ULK4: variants seen among roughly 807,000 people sequenced by gnomAD.
The protein encoded by ULK4 is unc-51 like kinase 4.
In ULK4, 133 loss-of-function variants were observed where a neutral mutation model predicts 160.6. That is an observed-to-expected ratio of 0.83 (90% CI 0.72 to 0.96). ULK4 has a LOEUF of 0.96. Ranked by LOEUF, ULK4 falls within the 40% of genes least tolerant of loss-of-function variation. The probability of loss-of-function intolerance (pLI) is 0.00; values close to 1 mark genes in which losing one functional copy is unlikely to be tolerated. For missense variants in ULK4, 1,580 were observed against 1,499.5 expected (o/e 1.05, Z -0.89); for synonymous variants, 534 against 539.8 (o/e 0.99, Z 0.15).
rs34582395 is a variant in ULK4, at chr3:41,746,272, C to CAAAAAAAAAAAAA, written c.2321+8076_2321+8088dup. On this transcript the variant is annotated intron_variant, in intron 22 of 36. Transcript: ENST00000301831. ...TATATAGAAAATCTCCTGGAACCCA[C>CAAAAAAAAAAAAA]AAAAAAAAAAAAAAAAAAAAAAAAC... Among the ~76,000 whole-genome samples, 58 of 45,708 alleles carry CAAAAAAAAAAAAA rather than the reference C, an allele frequency of 1.3e-3. 4 individuals carry two copies. The highest frequency in any genetic ancestry group is 5.3e-3 in the African/African-American group (50 of 9,394). The allele number at this position is 45,708 out of a possible 152,430, so 30.0% of individuals were successfully genotyped here.
At chr3:41,666,985 GA>G (rs958076582) in intron 29 of ULK4, among the ~76,000 whole-genome samples, 2 of 150,562 alleles carry the variant, frequency 1.3e-5, no homozygotes, top group Non-Finnish European at 3.0e-5. Flanking sequence ...TATAAAAAAA[GA>G]AAAAAAAATT....
chr3:41,628,885 TAAA>T (rs1321229561), intron 30 of ULK4, among the ~76,000 whole-genome samples: 3 of 152,214 alleles, frequency 2.0e-5, no homozygotes, highest in Admixed American at 2.0e-4. Context: ...AAAAGTTTTT[TAAA>T]ATGACTTCTG....
chr3:41,919,684 C>T (rs760374201), intron 6 of ULK4, 33 bp downstream of exon 6: 34 of 1,566,318 alleles, frequency 2.2e-5, no homozygotes, highest in Non-Finnish European at 2.5e-5. Flanking sequence ...TTTAGTCCAG[C>T]TCTGATTTTA....
In ULK4 at chr3:41,345,673, T is replaced by G. The variant is rs142293142; in HGVS notation, c.3678+52406A>C. 3.8e-3 allele frequency among the ~76,000 whole-genome samples: 578 copies of G among 152,194 alleles called. 3 individuals carry two copies. The highest frequency in any genetic ancestry group is 0.013 in the African/African-American group (543 of 41,532). On this transcript the variant is annotated intron_variant, in intron 35 of 36. Transcript: ENST00000301831. The stretch of plus-strand genomic sequence containing the variant: ...AGCATCAGGAAGAATAGCTAATAGA[T>G]GCTGGGCTTAATACCTAGGTGACAA...
At chr3:41,694,213 T>C (rs1174040794) in intron 27 of ULK4, among the ~76,000 whole-genome samples, 2 of 152,194 alleles carry the variant, frequency 1.3e-5, no homozygotes, top group Non-Finnish European at 2.9e-5. Flanking sequence ...GATACAAAGA[T>C]AGCAGTGTGA....
At chr3:41,912,187 G>C (rs1241053239) in intron 9 of ULK4, among the ~76,000 whole-genome samples, 1 of 151,970 alleles carries the variant, frequency 6.6e-6, no homozygotes, top group Non-Finnish European at 1.5e-5. Flanking sequence ...AAATAGCTGA[G>C]TGTAGTGGCA....
intron 16 of ULK4, among the ~76,000 whole-genome samples, chr3:41,894,526 A>G (rs1200622734): frequency 6.6e-6 from 1 of 152,176 alleles, no homozygotes; most frequent in East Asian, 1.9e-4. Flanking sequence ...ATCATGAGAT[A>G]AGCAAGCTTG....
At chr3:41,249,112 G>A (rs1247900818) in intron 36 of ULK4, among the ~76,000 whole-genome samples, 1 of 152,182 alleles carries the variant, frequency 6.6e-6, no homozygotes, top group Non-Finnish European at 1.5e-5. Flanking sequence ...CCTCTGGCTG[G>A]GCTGCTGATG....
rs568406782 is a variant in ULK4, at chr3:41,574,531, C to CTTTTTTTT, written c.3121-8409_3121-8402dup. On this transcript the variant is annotated intron_variant, in intron 31 of 36. Coordinates refer to ENST00000301831, the MANE Select transcript of ULK4 (RefSeq NM_017886.4). ...CCTCCACTACTGCTACCAGAGTCCTCTTTTTTTTTTTTTTTTTTTTTTTTT... is the reference window on the plus strand; with the variant it reads ...CCTCCACTACTGCTACCAGAGTCCTCTTTTTTTTTTTTTTTTTTTTTTTTTTTTTTTTT... Among the ~76,000 whole-genome samples, 54 of 92,148 alleles carry CTTTTTTTT rather than the reference C, an allele frequency of 5.9e-4. 8 individuals carry two copies. The highest frequency in any genetic ancestry group is 1.6e-3 in the African/African-American group (46 of 28,078). The allele number at this position is 92,148 out of a possible 152,430, so 60.5% of individuals were successfully genotyped here.
At chr3:41,584,133 T>A (rs1205432802) in intron 31 of ULK4, among the ~76,000 whole-genome samples, 2 of 152,136 alleles carry the variant, frequency 1.3e-5, no homozygotes, top group East Asian at 3.9e-4. Flanking sequence ...AAGAATGGTA[T>A]CAGTGGGAGA....
At chr3:41,696,141 T>C (rs1321706265) in intron 27 of ULK4, among the ~76,000 whole-genome samples, 5 of 152,154 alleles carry the variant, frequency 3.3e-5, no homozygotes, top group Non-Finnish European at 5.9e-5. Context: ...GAAAAGACTC[T>C]ACTCCTCCAC....
intron 30 of ULK4, among the ~76,000 whole-genome samples, chr3:41,647,296 GCT>G (rs1166464544): frequency 1.3e-5 from 2 of 152,194 alleles, no homozygotes; most frequent in African/African-American, 4.8e-5. Flanking sequence ...CAGTTTTTCT[GCT>G]CTGTTTTTTC....
At chr3:41,933,980 G>A (rs1302903195) in intron 4 of ULK4, among the ~76,000 whole-genome samples, 2 of 152,144 alleles carry the variant, frequency 1.3e-5, no homozygotes, top group African/African-American at 2.4e-5. Context: ...TGAGTTTGCA[G>A]TGAGTTGAGA....
intron 31 of ULK4, among the ~76,000 whole-genome samples, chr3:41,571,342 T>A (rs1248001892): frequency 6.6e-6 from 1 of 152,184 alleles, no homozygotes; most frequent in East Asian, 1.9e-4. Flanking sequence ...GAATGCTAAA[T>A]CCATGCAAAG....
chr3:41,905,147 T>C (rs1698506972), intron 12 of ULK4, among the ~76,000 whole-genome samples: 1 of 152,170 alleles, frequency 6.6e-6, no homozygotes, highest in South Asian at 2.1e-4. Context: ...GATGAATAGA[T>C]AACAGAACAG....
chr3:41,586,086 T>G (rs761890038), intron 31 of ULK4, among the ~76,000 whole-genome samples: 16 of 152,206 alleles, frequency 1.1e-4, no homozygotes, highest in Non-Finnish European at 2.2e-4. Flanking sequence ...GAAAACAGTA[T>G]GGAGGTTACT....
At chr3:41,646,782 G>A (rs992341768) in intron 30 of ULK4, among the ~76,000 whole-genome samples, 1 of 152,062 alleles carries the variant, frequency 6.6e-6, no homozygotes, top group Non-Finnish European at 1.5e-5. Context: ...ATATCCTGAA[G>A]AGTGTTTTCC....
chr3:41,616,642 G>A (rs755395503), intron 30 of ULK4, among the ~76,000 whole-genome samples: 4 of 152,186 alleles, frequency 2.6e-5, no homozygotes, highest in Non-Finnish European at 5.9e-5. Context: ...TGCAGATCAG[G>A]AGATTCCCTC....
intron 21 of ULK4, among the ~76,000 whole-genome samples, chr3:41,762,839 G>C (rs1233024968): frequency 2.0e-5 from 3 of 151,666 alleles, no homozygotes; most frequent in Non-Finnish European, 4.4e-5. Flanking sequence ...ATTTTTTTCT[G>C]TATTTTTAGT....
Sources: allele counts gnomAD v4.1 joint callset (sites outside exome capture counted in the v4.1 genomes callset), GRCh38; gene constraint gnomAD v4.1.1; transcripts MANE v1.5; gene names NCBI Gene and HGNC (gene_info 2026-07-23, HGNC 2026-07-21).